Variants in SLC3A1 observed in about 807,000 individuals in gnomAD.
The protein encoded by SLC3A1 is amino acid transporter heavy chain SLC3A1.
A neutral mutation model predicts 60.3 loss-of-function variants in SLC3A1; 78 were observed. That is an observed-to-expected ratio of 1.29 (90% CI 1.08 to 1.56). SLC3A1 has a LOEUF of 1.56. Ranked by LOEUF, SLC3A1 falls within the 40% of genes most tolerant of loss-of-function variation. The probability of loss-of-function intolerance (pLI) is 0.00; values close to 1 mark genes in which losing one functional copy is unlikely to be tolerated. For synonymous variants in SLC3A1, 392 were observed against 307.9 expected (o/e 1.27, Z -2.86); for missense variants, 1,172 against 858.9 (o/e 1.36, Z -4.56).
intron 1 of SLC3A1, among the ~76,000 whole-genome samples, chr2:44,277,605 C>T (rs1419198364): frequency 6.6e-6 from 1 of 152,154 alleles, no homozygotes; most frequent in African/African-American, 2.4e-5. Flanking sequence ...TGAGTGACTC[C>T]CTTTCCCCTG....
intron 4 of SLC3A1, among the ~76,000 whole-genome samples, chr2:44,299,186 C>T (rs951005686): frequency 6.6e-6 from 1 of 151,772 alleles, no homozygotes; most frequent in African/African-American, 2.4e-5. Context: ...TTATGGGCAC[C>T]CGCCACCATG....
rs887293811 is a variant in SLC3A1 at position 44,314,012 on chromosome 2, A to T, written c.1617+61A>T. ...AACAAAGAAATGGGTTTCTACTGAA[A>T]GTACACACTCACCCTGAATGTGTCT... On this transcript the variant is annotated intron_variant, in intron 9 of 9. Coordinates refer to ENST00000260649, the MANE Select transcript of SLC3A1 (RefSeq NM_000341.4). The T allele has an allele frequency of 3.7e-6, 6 of 1,609,804 alleles. No individual in the cohort carries two copies. The Admixed American group carries it at 1.0e-4, about 27-fold the overall frequency.
At position 44,313,908 on chromosome 2, in the gene SLC3A1, C is replaced by T. The variant is rs910206190; in HGVS notation, c.1574C>T (p.Thr525Ile). 2 of 1,613,920 alleles carry T rather than the reference C, an allele frequency of 1.2e-6. No homozygotes were observed. Among genetic ancestry groups the T allele is most frequent in the Non-Finnish European group, 1.7e-6 (2 of 1,179,954 alleles). The change falls in exon 9 of 10, where the codon ACC becomes ATC. Residue 525 changes from threonine (T) to isoleucine (I), a missense_variant. Thr to Ile is a moderately conservative substitution (Grantham distance 89). Transcript: ENST00000260649. The stretch of plus-strand genomic sequence containing the variant: ...GCTGGTTTTTCTGAAGCTAGTAACA[C>T]CTGGTTACCTACCAATTCAGATTAC... ...SNAGFSEASN[T>I]WLPTNSDYHT...
chr2:44,278,178 C>G (rs1168376233), intron 1 of SLC3A1, among the ~76,000 whole-genome samples: 1 of 152,152 alleles, frequency 6.6e-6, no homozygotes, highest in East Asian at 1.9e-4. Context: ...GGCGTGGTGG[C>G]TCACGCCTGT....
intron 4 of SLC3A1, among the ~76,000 whole-genome samples, chr2:44,292,137 A>T (rs1314729629): frequency 1.3e-5 from 2 of 152,144 alleles, no homozygotes; most frequent in Non-Finnish European, 2.9e-5. Flanking sequence ...AAGAGACTCC[A>T]GATGGCCTGG....
intron 9 of SLC3A1, chr2:44,314,220 T>C (rs1672368482): frequency 6.3e-6 from 5 of 798,752 alleles, no homozygotes; most frequent in African/African-American, 3.5e-5. Context: ...CTTTGAGCTA[T>C]GAAGGAAATT....
At chr2:44,278,193 C>G (rs1671393698) in intron 1 of SLC3A1, among the ~76,000 whole-genome samples, 1 of 152,018 alleles carries the variant, frequency 6.6e-6, no homozygotes, top group Non-Finnish European at 1.5e-5. Flanking sequence ...GCCTGTAATC[C>G]CAGCACTTTG....
chr2:44,300,122 C>A, intron 5 of SLC3A1, 32 bp downstream of exon 5: 2 of 1,610,208 alleles, frequency 1.2e-6, no homozygotes, highest in Non-Finnish European at 1.7e-6. Flanking sequence ...TTTTCTTTTG[C>A]CTTTTCTGAA....
intron 7 of SLC3A1, among the ~76,000 whole-genome samples, chr2:44,311,907 G>A (rs1417492722): frequency 6.6e-6 from 1 of 152,018 alleles, no homozygotes; most frequent in African/African-American, 2.4e-5. Context: ...TGTGAAGGAG[G>A]GAAATATAGG....
At chr2:44,303,540 A>G (rs1295806599) in intron 6 of SLC3A1, among the ~76,000 whole-genome samples, 1 of 115,172 alleles carries the variant, frequency 8.7e-6, no homozygotes, top group African/African-American at 3.6e-5. Flanking sequence ...CCTGGCACCC[A>G]AATGTGTTTC....
intron 9 of SLC3A1, chr2:44,316,404 AG>A (rs2104389939): frequency 6.6e-6 from 1 of 152,344 alleles, no homozygotes; most frequent in African/African-American, 2.4e-5. Context: ...AGTGCTAATT[AG>A]TGTGCTGAAA....
chr2:44,306,140 G>T (rs113512254), intron 7 of SLC3A1, among the ~76,000 whole-genome samples: 3,919 of 152,152 alleles, frequency 0.026, 166 homozygotes, highest in African/African-American at 0.087. Flanking sequence ...CTTATATATA[G>T]AGAGAGAGTT....
intron 7 of SLC3A1, among the ~76,000 whole-genome samples, chr2:44,305,523 G>A (rs1672133217): frequency 6.7e-6 from 1 of 150,200 alleles, no homozygotes; most frequent in Non-Finnish European, 1.5e-5. Flanking sequence ...CACCTCCTGG[G>A]TTCAAGCAAT....
chr2:44,281,692 A>C (rs1243908369), intron 3 of SLC3A1, 151 bp downstream of exon 3: 1 of 733,070 alleles, frequency 1.4e-6, no homozygotes, highest in African/African-American at 1.8e-5. Context: ...TAAGGTTTCC[A>C]GTTGTTATTT....
intron 4 of SLC3A1, among the ~76,000 whole-genome samples, chr2:44,298,383 C>T (rs1205033958): frequency 6.9e-6 from 1 of 145,964 alleles, no homozygotes; most frequent in Non-Finnish European, 1.5e-5. Context: ...CCTGCCACTG[C>T]CTTTTTTTTT....
chr2:44,309,670 G>A (rs964174816), intron 7 of SLC3A1, among the ~76,000 whole-genome samples: 1 of 152,174 alleles, frequency 6.6e-6, no homozygotes, highest in African/African-American at 2.4e-5. Context: ...TATGATCTCG[G>A]CTCACTGCAA....
chr2:44,281,600 C>G, intron 3 of SLC3A1, 59 bp downstream of exon 3: 4 of 1,515,652 alleles, frequency 2.6e-6, no homozygotes, highest in Non-Finnish European at 2.8e-6. Flanking sequence ...AGTGATTGAA[C>G]TGATTTAGTA....
Position 44,301,091 on chromosome 2 carries a change from C to G in SLC3A1, c.1100C>G (p.Thr367Ser). The G allele has an allele frequency of 2.5e-6, 4 of 1,614,080 alleles. No individual in the cohort carries two copies. The highest frequency in any genetic ancestry group is 3.4e-6 in the Non-Finnish European group (4 of 1,180,020). Residue 367 changes from threonine (T) to serine (S), a missense_variant, in exon 6 of 10, where the codon ACC becomes AGC. By Grantham distance (58) the Thr-to-Ser change is moderately conservative (BLOSUM62 1). Coordinates refer to ENST00000260649, the MANE Select transcript of SLC3A1 (RefSeq NM_000341.4). The stretch of plus-strand genomic sequence containing the variant: ...GACATTGTCCGCAGCTTCCGGCAGA[C>G]CATGGACCAATACAGCACGGAGCCC... ...MHDIVRSFRQ[T>S]MDQYSTEPGR... is the part of the protein sequence containing the mutation.
Position 44,312,720 on chromosome 2 carries a change from T to C in SLC3A1, c.1467T>C (p.Ile489=), listed in dbSNP as rs1572815473. ...YYGEEIGMGN[I]VAANLNESYD... ...GAGAAGAAATTGGAATGGGAAATAT[T>C]GTAGCCGCAAATCTCAATGAAAGCT... Residue 489 remains isoleucine, a synonymous_variant, in exon 8 of 10, where the codon ATT becomes ATC. Transcript: ENST00000260649. The C allele has an allele frequency of 6.2e-7, 1 of 1,613,536 alleles. No individual in the cohort carries two copies. The highest frequency in any genetic ancestry group is 1.3e-5 in the African/African-American group (1 of 75,024).
Sources: allele counts gnomAD v4.1 joint callset (sites outside exome capture counted in the v4.1 genomes callset), GRCh38; gene constraint gnomAD v4.1.1; transcripts MANE v1.5; gene names NCBI Gene and HGNC (gene_info 2026-07-23, HGNC 2026-07-21).